Variants in SLC23A2 observed in about 807,000 individuals in gnomAD.
The protein encoded by SLC23A2 is solute carrier family 23 member 2.
Under a neutral mutation model 73.3 loss-of-function variants are expected in SLC23A2, and 36 were observed. That is an observed-to-expected ratio of 0.49 (90% confidence interval 0.38 to 0.65). The LOEUF (loss-of-function observed/expected upper bound fraction) is 0.65, where lower values mean the gene tolerates loss of function less well. Among genes scored for constraint, SLC23A2 ranks in the 30% least tolerant of loss-of-function variants. The pLI, the probability that SLC23A2 is intolerant of heterozygous loss-of-function variation, is 0.00. For missense variants in SLC23A2, 507 were observed against 841.6 expected (o/e 0.60, Z 4.92); for synonymous variants, 343 against 327.3 (o/e 1.05, Z -0.52).
intron 9 of SLC23A2, among the ~76,000 whole-genome samples, chr20:4,882,806 G>A (rs1488431336): frequency 6.6e-6 from 1 of 152,194 alleles, no homozygotes; most frequent in Admixed American, 6.5e-5. Flanking sequence ...TTAAATAACT[G>A]CAGACTATTT....
intron 9 of SLC23A2, among the ~76,000 whole-genome samples, chr20:4,877,152 A>G (rs1277147187): frequency 6.6e-6 from 1 of 152,118 alleles, no homozygotes; most frequent in Non-Finnish European, 1.5e-5. Flanking sequence ...CCTAGAACTT[A>G]AAGTATAATA....
chr20:4,881,881 C>CT (rs546495013), intron 9 of SLC23A2, among the ~76,000 whole-genome samples: 9 of 149,250 alleles, frequency 6.0e-5, no homozygotes, highest in Non-Finnish European at 7.5e-5. Context: ...ATTTTTAACA[C>CT]TTTTTTTTTT....
intron 9 of SLC23A2, among the ~76,000 whole-genome samples, chr20:4,879,621 C>T (rs1363417177): frequency 6.7e-6 from 1 of 150,128 alleles, no homozygotes; most frequent in Non-Finnish European, 1.5e-5. Context: ...AGTCAGAGGC[C>T]ACAGTGAGCT....
At chr20:4,864,890 G>A (rs1707869691) in intron 13 of SLC23A2, among the ~76,000 whole-genome samples, 1 of 152,196 alleles carries the variant, frequency 6.6e-6, no homozygotes, top group East Asian at 1.9e-4. Flanking sequence ...GGGCCAAACT[G>A]GCCCCAGGGA....
chr20:4,991,720 T>TCACA (rs11471369), intron 1 of SLC23A2, among the ~76,000 whole-genome samples: 14,471 of 139,232 alleles, frequency 0.1, 841 homozygotes, highest in Admixed American at 0.19. Flanking sequence ...AGACTCCGTT[T>TCACA]CACACACACA....
intron 8 of SLC23A2, among the ~76,000 whole-genome samples, 159 bp downstream of exon 8, chr20:4,884,594 T>C (rs1186420083): frequency 6.6e-6 from 1 of 152,164 alleles, no homozygotes; most frequent in Non-Finnish European, 1.5e-5. Flanking sequence ...TTTTAGAGTA[T>C]TGCTTAACTA....
intron 2 of SLC23A2, among the ~76,000 whole-genome samples, chr20:4,960,953 A>T (rs1382619804): frequency 1.3e-5 from 2 of 152,208 alleles, no homozygotes; most frequent in Admixed American, 1.3e-4. Context: ...CTATCTTTAA[A>T]AGGATATACA....
intron 2 of SLC23A2, among the ~76,000 whole-genome samples, chr20:4,933,739 G>A (rs1444010994): frequency 6.6e-6 from 1 of 152,118 alleles, no homozygotes; most frequent in Non-Finnish European, 1.5e-5. Flanking sequence ...AAAAGATAAT[G>A]CAAACAGGTA....
intron 11 of SLC23A2, among the ~76,000 whole-genome samples, chr20:4,873,180 T>G (rs1230046374): frequency 6.6e-6 from 1 of 152,204 alleles, no homozygotes; most frequent in Non-Finnish European, 1.5e-5. Flanking sequence ...GGCTTCTCTC[T>G]TTTTCTCCTT....
chr20:4,865,128 C>T (rs906484007), intron 13 of SLC23A2, among the ~76,000 whole-genome samples: 1 of 152,228 alleles, frequency 6.6e-6, no homozygotes, highest in Non-Finnish European at 1.5e-5. Context: ...TCCCTGGAAT[C>T]TCCTTGGCAC....
Position 4,856,560 on chromosome 20 carries a change from A to G in SLC23A2, c.*412T>C, listed in dbSNP as rs548424703. 57 of 163,182 alleles carry G rather than the reference A, an allele frequency of 3.5e-4. No homozygotes were observed. The South Asian group carries it at 5.4e-3, about 16-fold the overall frequency. The allele number at this position is 163,182 out of a possible 1,614,324, so 10.1% of individuals were successfully genotyped here. A position where few individuals can be genotyped will look rare whatever the true frequency, so the allele number is the denominator to read the frequency against. ...TCTCCGCGGGCACAGACGAGGGTCA[A>G]ATGACAAGGAAACAGGTCCAGGGGC... On this transcript the variant is annotated 3_prime_UTR_variant, in exon 17 of 17. Coordinates refer to ENST00000338244, the MANE Select transcript of SLC23A2 (RefSeq NM_005116.6). The surrounding 1 kb of genome is among the most constrained non-coding windows in gnomAD (Gnocchi z 4.6).
At chr20:4,961,364 G>C (rs577583125) in intron 2 of SLC23A2, among the ~76,000 whole-genome samples, 50 of 151,964 alleles carry the variant, frequency 3.3e-4, no homozygotes, top group Non-Finnish European at 4.4e-4. Context: ...TTACAGGCGT[G>C]AGCCACCACG....
upstream of SLC23A2, among the ~76,000 whole-genome samples, chr20:5,002,008 C>T (rs148536025): frequency 3.9e-5 from 6 of 152,226 alleles, no homozygotes; most frequent in East Asian, 1.2e-3. Flanking sequence ...ATGCAGAGAT[C>T]GTAATACAGA....
At chr20:4,969,357 G>A (rs148850841) in intron 2 of SLC23A2, among the ~76,000 whole-genome samples, 3,074 of 152,196 alleles carry the variant, frequency 0.02, 105 homozygotes, top group South Asian at 0.14. Flanking sequence ...CCAAAGTGCT[G>A]GGATTCCAGG....
At chr20:4,925,904 C>T (rs1004332226) in intron 3 of SLC23A2, among the ~76,000 whole-genome samples, 5 of 152,240 alleles carry the variant, frequency 3.3e-5, no homozygotes, top group Non-Finnish European at 7.3e-5. Context: ...GGGCAAGGGT[C>T]TCACGTGGAC....
chr20:4,904,612 A>G (rs1022650348), intron 4 of SLC23A2, among the ~76,000 whole-genome samples: 15 of 152,236 alleles, frequency 9.9e-5, no homozygotes, highest in African/African-American at 3.4e-4. Context: ...GGCTCACTAC[A>G]CAAAGGTCAG....
Position 4,902,322 on chromosome 20 carries a change from A to G in SLC23A2, c.324+120T>C, listed in dbSNP as rs1600115598. 14 of 633,320 alleles carry G rather than the reference A, an allele frequency of 2.2e-5. No homozygotes were observed. The East Asian group carries it at 3.8e-4, about 17-fold the overall frequency. 39.2% of individuals were successfully genotyped at this position (633,320 alleles called of 1,614,324 possible). A position where few individuals can be genotyped will look rare whatever the true frequency, so the allele number is the denominator to read the frequency against. ...CTCAGCCCCTACTCATCACTCTTAAAAGAGGAATTTATAAAAGTCTTCAAT... is the reference window on the plus strand; with the variant it reads ...CTCAGCCCCTACTCATCACTCTTAAGAGAGGAATTTATAAAAGTCTTCAAT... On this transcript the variant is annotated intron_variant, in intron 5 of 16. Coordinates refer to ENST00000338244, the MANE Select transcript of SLC23A2 (RefSeq NM_005116.6). The surrounding 1 kb of genome is among the most constrained non-coding windows in gnomAD (Gnocchi z 4.0).
chr20:5,001,691 C>T (rs550530952), upstream of SLC23A2, among the ~76,000 whole-genome samples: 32 of 151,606 alleles, frequency 2.1e-4, no homozygotes, highest in African/African-American at 7.5e-4. Flanking sequence ...CAGCCGTCCC[C>T]TTCCCGTTCC....
intron 9 of SLC23A2, among the ~76,000 whole-genome samples, chr20:4,876,696 T>G (rs933105319): frequency 2.0e-5 from 3 of 152,198 alleles, no homozygotes; most frequent in Non-Finnish European, 4.4e-5. Context: ...ACAAAAAATT[T>G]AAAAGACAGA....
Sources: allele counts gnomAD v4.1 joint callset (sites outside exome capture counted in the v4.1 genomes callset), GRCh38; gene constraint gnomAD v4.1.1; non-coding constraint Gnocchi (gnomAD v3.1); transcripts MANE v1.5; gene names NCBI Gene and HGNC (gene_info 2026-07-23, HGNC 2026-07-21).